SVIL: variants seen among roughly 807,000 people sequenced by gnomAD.
SVIL encodes archvillin.
Under a neutral mutation model 240.4 loss-of-function variants are expected in SVIL, and 101 were observed. That is an observed-to-expected ratio of 0.42 (90% CI 0.36 to 0.50). The LOEUF (loss-of-function observed/expected upper bound fraction) is 0.50. SVIL is among the 20% of genes least tolerant of loss of function. SVIL has a pLI of 0.01. For synonymous variants in SVIL, 999 were observed against 1,100.0 expected (o/e 0.91, Z 1.82); for missense variants, 2,512 against 2,818.7 (o/e 0.89, Z 2.46).
chr10:29,568,868 GAGGGAGGGAGCAGAGGAAGGAAGGAGGA>G (rs1460114203), intron 2 of SVIL, among the ~76,000 whole-genome samples: 11 of 151,926 alleles, frequency 7.2e-5, no homozygotes, highest in Admixed American at 6.6e-4. Flanking sequence ...TGGAAAAAGG[GAGGGAGGGAGCAGAGGAAGGAAGGAGGA>G]AGGGAGAAGG....
intron 17 of SVIL, chr10:29,507,835 G>A (rs1386806009): frequency 3.5e-4 from 336 of 967,700 alleles, no homozygotes; most frequent in Non-Finnish European, 3.8e-4. Context: ...AAGCAAGAGG[G>A]TTTAAGGTGA....
At chr10:29,674,955 A>G (rs1466322703) in intron 2 of SVIL, among the ~76,000 whole-genome samples, 1 of 152,180 alleles carries the variant, frequency 6.6e-6, no homozygotes, top group East Asian at 1.9e-4. Context: ...TTGCGATTAC[A>G]AAAGTCCCAC....
Position 29,492,183 on chromosome 10 carries a change from G to A in SVIL, c.4019+1031C>T, listed in dbSNP as rs554611060. On this transcript the variant is annotated intron_variant, in intron 21 of 37. Transcript: ENST00000355867. ...GGCTCTAAAGGAGACCCAGAGCCCC[G>A]CCTTTACCCAGTCAGCATCTTCTAT... Among the ~76,000 whole-genome samples, 34 of 152,138 alleles carry A rather than the reference G, an allele frequency of 2.2e-4. No homozygotes were observed. In the South Asian group the frequency reaches 6.9e-3, roughly 31 times the overall value.
At chr10:29,734,087 C>T (rs1213853273) in intron 1 of SVIL, among the ~76,000 whole-genome samples, 1 of 152,208 alleles carries the variant, frequency 6.6e-6, no homozygotes, top group Non-Finnish European at 1.5e-5. Flanking sequence ...GCAAACAGAG[C>T]TCCGTGCTGT....
chr10:29,613,137 T>C (rs939243789), intron 1 of SVIL, among the ~76,000 whole-genome samples: 4 of 149,534 alleles, frequency 2.7e-5, no homozygotes, highest in East Asian at 2.0e-4. Flanking sequence ...GATTGTGCCA[T>C]TGCCCTCCAG....
intron 13 of SVIL, among the ~76,000 whole-genome samples, chr10:29,526,063 A>G (rs1950879930): frequency 6.6e-6 from 1 of 152,214 alleles, no homozygotes; most frequent in African/African-American, 2.4e-5. Flanking sequence ...ATGTGAGGAC[A>G]TAATTTTAAA....
At chr10:29,534,719 C>G (rs1243120151) in intron 7 of SVIL, among the ~76,000 whole-genome samples, 1 of 152,254 alleles carries the variant, frequency 6.6e-6, no homozygotes, top group Non-Finnish European at 1.5e-5. Flanking sequence ...TGTTGGGCAA[C>G]TCACCTGCCC....
At position 29,550,586 on chromosome 10, in the gene SVIL, T is replaced by C; in HGVS notation, c.827+11A>G. 1.3e-6 allele frequency: 2 copies of C among 1,596,558 alleles called. No homozygotes were observed. Among genetic ancestry groups the C allele is most frequent in the Non-Finnish European group, 1.7e-6 (2 of 1,171,698 alleles). Reference sequence around the variant, plus strand: ...TGCGTTCAGGGTGCTTAGCGTGGACTGGATGCTTACCTGGGTCGGGCCTCA... The same window carrying C: ...TGCGTTCAGGGTGCTTAGCGTGGACCGGATGCTTACCTGGGTCGGGCCTCA... On this transcript the variant is annotated intron_variant, in intron 6 of 37. Transcript: ENST00000355867.
At chr10:29,595,871 T>G (rs571423216) in intron 1 of SVIL, among the ~76,000 whole-genome samples, 1 of 152,202 alleles carries the variant, frequency 6.6e-6, no homozygotes, top group Non-Finnish European at 1.5e-5. Flanking sequence ...AGGGAAACAG[T>G]AGCTGCTCTG....
chr10:29,499,656 A>C (rs1948723691), intron 17 of SVIL, among the ~76,000 whole-genome samples: 1 of 152,230 alleles, frequency 6.6e-6, no homozygotes, highest in African/African-American at 2.4e-5. Flanking sequence ...TTATCCCTAT[A>C]TACTCACAAA....
At chr10:29,476,213 T>C (rs1015667200) in intron 29 of SVIL, among the ~76,000 whole-genome samples, 4 of 152,230 alleles carry the variant, frequency 2.6e-5, no homozygotes, top group Admixed American at 2.6e-4. Flanking sequence ...CTTCAAATAG[T>C]GAACATTTGT....
chr10:29,509,614 C>T lies in SVIL; in HGVS notation c.3516+3121G>A, dbSNP rs149646088. ...CTGTAATTCCAGCACTTTGGGAGGC[C>T]GAGGCAGGTGGATCACCTGAGGTTG... is the stretch of plus-strand genomic sequence containing the variant. On this transcript the variant is annotated intron_variant, in intron 17 of 37. Transcript: ENST00000355867. Among the ~76,000 whole-genome samples the T allele has an allele frequency of 3.4e-3, 510 of 151,516 alleles. 4 individuals carry two copies. Among genetic ancestry groups the T allele is most frequent in the Non-Finnish European group, 3.2e-3 (218 of 67,830 alleles).
upstream of SVIL, among the ~76,000 whole-genome samples, chr10:29,736,210 G>A (rs1380098423): frequency 6.6e-6 from 1 of 152,216 alleles, no homozygotes; most frequent in Non-Finnish European, 1.5e-5. Context: ...CACGGCCAGC[G>A]GGTCCAGCCG....
intron 15 of SVIL, 33 bp downstream of exon 15, chr10:29,523,418 C>T (rs1214217113): frequency 1.3e-6 from 2 of 1,539,300 alleles, no homozygotes; most frequent in Non-Finnish European, 1.7e-6. Flanking sequence ...AACCCAGTGG[C>T]TTTCTAAAGC....
intron 1 of SVIL, among the ~76,000 whole-genome samples, chr10:29,609,584 C>T (rs185962803): frequency 7.9e-5 from 12 of 152,386 alleles, no homozygotes; most frequent in African/African-American, 2.9e-4. Context: ...ATGGCTGTGA[C>T]ATGCTGTAAC....
chr10:29,458,436 C>G lies in SVIL; in HGVS notation c.6556G>C (p.Glu2186Gln). 1 of 1,586,080 alleles carries G rather than the reference C, an allele frequency of 6.3e-7. No homozygotes were observed. Among genetic ancestry groups the G allele is most frequent in the Non-Finnish European group, 8.6e-7 (1 of 1,164,252 alleles). Residue 2186 changes from glutamate to glutamine, a missense_variant and splice_region_variant, in exon 37 of 38, where the codon GAG becomes CAG. By Grantham distance (29) the Glu-to-Gln change is conservative. This residue lies in a region of SVIL where 797 missense variants were observed against 925.3 expected (regional missense o/e 0.86). Coordinates refer to ENST00000355867, the MANE Select transcript of SVIL (RefSeq NM_021738.3). The stretch of plus-strand genomic sequence containing the variant: ...ACCCCACCGGAAGAACCGCTTACCT[C>G]GAAGTCTTCGTCGGTGAGATAGATC... Reference protein sequence around the residue: ...LEIYLTDEDFEFALDMTRDEY... With the variant: ...LEIYLTDEDFQFALDMTRDEY...
At chr10:29,461,008 C>T (rs1026447214) in intron 36 of SVIL, among the ~76,000 whole-genome samples, 3 of 152,198 alleles carry the variant, frequency 2.0e-5, no homozygotes, top group African/African-American at 7.2e-5. Context: ...TCACCCCTCC[C>T]TAATTCCTGT....
At chr10:29,577,025 C>G (rs1955728290) in intron 1 of SVIL, among the ~76,000 whole-genome samples, 1 of 152,054 alleles carries the variant, frequency 6.6e-6, no homozygotes, top group Non-Finnish European at 1.5e-5. Context: ...GGATTATAGG[C>G]ACGCTCCACC....
At chr10:29,613,288 G>A (rs1005182510) in intron 1 of SVIL, among the ~76,000 whole-genome samples, 1 of 152,020 alleles carries the variant, frequency 6.6e-6, no homozygotes, top group African/African-American at 2.4e-5. Context: ...ATAGGTCTGG[G>A]TGGGGACCAG....
Sources: gnomAD v4.1 joint callset for allele counts (sites outside exome capture counted in the v4.1 genomes callset) on GRCh38, gnomAD v4.1.1 for gene constraint, gnomAD v4.1.1 regional missense constraint, MANE v1.5 for transcripts, NCBI Gene and HGNC (gene_info 2026-07-23, HGNC 2026-07-21) for gene names.